The following PPP4R3B variants were observed in gnomAD, a reference collection of about 807,000 sequenced individuals.
PPP4R3B encodes the protein protein phosphatase 4 regulatory subunit 3B, also known as serine/threonine-protein phosphatase 4 regulatory subunit 3B.
Under a neutral mutation model 95.4 loss-of-function variants are expected in PPP4R3B, and 52 were observed. The ratio of observed to expected loss-of-function variants is 0.54; its 90% CI spans 0.44 to 0.69. The LOEUF (loss-of-function observed/expected upper bound fraction) is 0.69, where lower values mean the gene tolerates loss of function less well. Ranked by LOEUF, PPP4R3B falls within the 30% of genes least tolerant of loss-of-function variation. PPP4R3B has a pLI of 0.00. For synonymous variants in PPP4R3B, 407 were observed against 343.9 expected (o/e 1.18, Z -2.03); for missense variants, 1,003 against 1,005.9 (o/e 1.00, Z 0.04).
At chr2:55,590,730 A>G (rs2104368393) in intron 4 of PPP4R3B, among the ~76,000 whole-genome samples, 1 of 152,360 alleles carries the variant, frequency 6.6e-6, no homozygotes, top group African/African-American at 2.4e-5. Context: ...GTATCTGTAG[A>G]GTTGATAGTA....
intron 2 of PPP4R3B, among the ~76,000 whole-genome samples, chr2:55,604,947 C>T (rs1693179965): frequency 6.6e-6 from 1 of 151,982 alleles, no homozygotes; most frequent in Non-Finnish European, 1.5e-5. Context: ...CCCAGCAATC[C>T]TCCCACCTCA....
intron 2 of PPP4R3B, among the ~76,000 whole-genome samples, chr2:55,606,624 C>T (rs946067792): frequency 1.3e-5 from 2 of 151,800 alleles, no homozygotes; most frequent in Admixed American, 1.3e-4. Context: ...GAGTTTGAGA[C>T]CAGTATGGCC....
chr2:55,553,420 C>CT (rs929557613), intron 16 of PPP4R3B, among the ~76,000 whole-genome samples: 36 of 152,290 alleles, frequency 2.4e-4, no homozygotes, highest in African/African-American at 8.2e-4. Flanking sequence ...GCACTACTCT[C>CT]TAAGTCCATA....
At chr2:55,585,249 C>A in intron 6 of PPP4R3B, 82 bp from the exon 7 acceptor site, 1 of 939,364 alleles carries the variant, frequency 1.1e-6, no homozygotes, top group Non-Finnish European at 1.6e-6. Flanking sequence ...CAAATCCATA[C>A]ACTAGCTCTC....
intron 1 of PPP4R3B, among the ~76,000 whole-genome samples, chr2:55,615,879 A>AAACAAAAAAAAAAAAAAT: frequency 6.8e-6 from 1 of 146,836 alleles, no homozygotes; most frequent in African/African-American, 2.6e-5. Context: ...AAAAAAAAAA[A>AAACAAAAAAAAAAAAAAT]AAATACACAT....
At chr2:55,564,630 C>G in intron 14 of PPP4R3B, 133 bp from the exon 15 acceptor site, 1 of 825,854 alleles carries the variant, frequency 1.2e-6, no homozygotes, top group Non-Finnish European at 1.8e-6. Flanking sequence ...AAAATAATCT[C>G]TGTAATGATA....
intron 4 of PPP4R3B, among the ~76,000 whole-genome samples, chr2:55,594,059 G>A (rs905506454): frequency 2.0e-5 from 3 of 152,094 alleles, no homozygotes; most frequent in Admixed American, 2.0e-4. Flanking sequence ...TGAACTCAGA[G>A]GCAGAAAATC....
chr2:55,611,284 C>T (rs911648005), intron 2 of PPP4R3B, among the ~76,000 whole-genome samples: 2 of 152,182 alleles, frequency 1.3e-5, no homozygotes, highest in African/African-American at 4.8e-5. Flanking sequence ...GCCTCAGCCT[C>T]CCAAGGAGCT....
chr2:55,551,057 A>G (rs780125724), intron 16 of PPP4R3B, among the ~76,000 whole-genome samples: 27 of 152,238 alleles, frequency 1.8e-4, no homozygotes, highest in Non-Finnish European at 3.1e-4. Context: ...AAAAAAAACA[A>G]AAACAAAAAC....
chr2:55,605,904 CAAAAAAA>C (rs35675375), intron 2 of PPP4R3B, among the ~76,000 whole-genome samples: 2 of 86,436 alleles, frequency 2.3e-5, no homozygotes, highest in African/African-American at 7.9e-5. Context: ...GACTCCGTCT[CAAAAAAA>C]AAAAAAAAAA....
In PPP4R3B at chr2:55,561,175, T is replaced by C. The variant is rs1206653595; in HGVS notation, c.2261-2207A>G. Among the ~76,000 whole-genome samples the C allele has an allele frequency of 2.0e-5, 3 of 151,944 alleles. No homozygotes were observed. In the East Asian group the frequency reaches 5.8e-4, roughly 29 times the overall value. On this transcript the variant is annotated intron_variant, in intron 15 of 16. Coordinates refer to ENST00000616407, the MANE Select transcript of PPP4R3B (RefSeq NM_001122964.3). The stretch of plus-strand genomic sequence containing the variant: ...CAAGGTACAGCTTGGGCCATGGCTT[T>C]AGAGCGTGCAAGCCCCAACTCTTGG...
chr2:55,564,480 C>A lies in PPP4R3B; in HGVS notation c.2093G>T (p.Arg698Leu), dbSNP rs778866855. The A allele has an allele frequency of 1.9e-6, 3 of 1,609,672 alleles. No individual in the cohort carries two copies. The highest frequency in any genetic ancestry group is 1.7e-6 in the Non-Finnish European group (2 of 1,178,592). Residue 698 changes from arginine to leucine, a missense_variant, in exon 15 of 17, where the codon CGT becomes CTT. Arg to Leu is a moderately radical substitution (Grantham distance 102, BLOSUM62 -2). Around this residue, in one of 3 missense-constraint regions of PPP4R3B, gnomAD observed 229 missense variants for 194.7 expected, o/e 1.18. Transcript: ENST00000616407. The part of the protein sequence containing the change: ...QKLNSVPSIL[R>L]SNRFRRDAKA... The stretch of plus-strand genomic sequence containing the variant: ...TGCATCTCTGCGAAATCTGTTACTA[C>A]GCAATATAGATGGTACACTGTAAGA...
At chr2:55,575,649 G>A (rs1688575071) in intron 11 of PPP4R3B, among the ~76,000 whole-genome samples, 1 of 151,706 alleles carries the variant, frequency 6.6e-6, no homozygotes, top group Non-Finnish European at 1.5e-5. Flanking sequence ...TGTTGCCCAG[G>A]CTGGTCTCTA....
At chr2:55,581,909 A>C (rs979593882) in intron 7 of PPP4R3B, among the ~76,000 whole-genome samples, 1 of 151,552 alleles carries the variant, frequency 6.6e-6, no homozygotes, top group South Asian at 2.1e-4. Flanking sequence ...CCGAGAAAAA[A>C]AAAAGAAGAA....
chr2:55,566,636 A>C (rs879459846), intron 13 of PPP4R3B, among the ~76,000 whole-genome samples: 3 of 152,226 alleles, frequency 2.0e-5, no homozygotes, highest in Non-Finnish European at 4.4e-5. Flanking sequence ...TCATATGAGA[A>C]TAGCATGTTA....
intron 12 of PPP4R3B, among the ~76,000 whole-genome samples, chr2:55,571,048 C>CA (rs1165821574): frequency 1.3e-5 from 2 of 152,160 alleles, no homozygotes; most frequent in Admixed American, 1.3e-4. Flanking sequence ...CAGCGGTTCA[C>CA]ACCTGTAATC....
chr2:55,596,465 C>T (rs551051223), intron 4 of PPP4R3B, among the ~76,000 whole-genome samples: 1 of 152,190 alleles, frequency 6.6e-6, no homozygotes, highest in Non-Finnish European at 1.5e-5. Context: ...TTAACAATTA[C>T]TATAGTTTGT....
intron 2 of PPP4R3B, among the ~76,000 whole-genome samples, chr2:55,605,462 C>A (rs968880081): frequency 2.6e-5 from 4 of 152,088 alleles, no homozygotes; most frequent in African/African-American, 7.2e-5. Context: ...TTTAATTAAT[C>A]CAGGCCTCAG....
At chr2:55,602,298 T>C (rs947922526) in intron 3 of PPP4R3B, among the ~76,000 whole-genome samples, 1 of 152,212 alleles carries the variant, frequency 6.6e-6, no homozygotes, top group Non-Finnish European at 1.5e-5. Context: ...CACACAAATA[T>C]GATCATTTTG....
Sources: allele counts gnomAD v4.1 joint callset (sites outside exome capture counted in the v4.1 genomes callset), GRCh38; gene constraint gnomAD v4.1.1; regional missense constraint gnomAD v4.1.1; transcripts MANE v1.5; gene names NCBI Gene and HGNC (gene_info 2026-07-23, HGNC 2026-07-21).